Variants in CLMP observed in about 807,000 individuals in gnomAD.
The protein encoded by CLMP is CXADR like cell adhesion molecule.
In CLMP, 27 loss-of-function variants were observed where a neutral mutation model predicts 45.2. That is an observed-to-expected ratio of 0.60 (90% confidence interval 0.44 to 0.82). The LOEUF (loss-of-function observed/expected upper bound fraction) is 0.82. Among genes scored for constraint, CLMP ranks in the 40% least tolerant of loss-of-function variants. The probability of loss-of-function intolerance (pLI) is 0.00; values close to 1 mark genes in which losing one functional copy is unlikely to be tolerated. For synonymous variants in CLMP, 167 were observed against 171.4 expected (o/e 0.97, Z 0.20); for missense variants, 403 against 448.4 (o/e 0.90, Z 0.91).
intron 1 of CLMP, among the ~76,000 whole-genome samples, chr11:123,177,822 T>C (rs11219048): frequency 0.1 from 15,530 of 152,164 alleles, 2,419 homozygotes; most frequent in African/African-American, 0.34. Flanking sequence ...GTTAATTATA[T>C]CCCAAAAAAT....
At chr11:123,136,389 AC>A in intron 1 of CLMP, 1 of 513,506 alleles carries the variant, frequency 1.9e-6, no homozygotes, top group Admixed American at 2.5e-5. Context: ...TTGCCATGAT[AC>A]CGCCGGTGGC....
chr11:123,123,259 CTTT>C (rs11458946), intron 1 of CLMP, among the ~76,000 whole-genome samples: 2 of 117,694 alleles, frequency 1.7e-5, no homozygotes, highest in South Asian at 2.8e-4. Flanking sequence ...TCTTTCTTTC[CTTT>C]TTTTTTTTTT....
chr11:123,182,969 A>G (rs748122932), intron 1 of CLMP, among the ~76,000 whole-genome samples: 2 of 152,248 alleles, frequency 1.3e-5, no homozygotes, highest in African/African-American at 4.8e-5. Context: ...TAGCAAAGCC[A>G]TAACATATAA....
chr11:123,136,311 A>G, intron 1 of CLMP: 1 of 631,382 alleles, frequency 1.6e-6, no homozygotes, highest in Non-Finnish European at 3.1e-6. Context: ...CTTCGCGCAT[A>G]CTCAGTTAAA....
At chr11:123,111,939 A>G (rs1267774160) in intron 1 of CLMP, among the ~76,000 whole-genome samples, 6 of 152,272 alleles carry the variant, frequency 3.9e-5, no homozygotes, top group Admixed American at 3.9e-4. Flanking sequence ...TTTTTTAGAG[A>G]CGGTATTTCA....
chr11:123,084,487 C>T (rs1278005975), intron 3 of CLMP, 25 bp downstream of exon 3: 1 of 1,581,754 alleles, frequency 6.3e-7, no homozygotes, highest in Admixed American at 1.7e-5. Context: ...AAGCTGTAGA[C>T]ATTCACTTTG....
Position 123,103,704 on chromosome 11 carries a change from C to A in CLMP, c.29-5752G>T, listed in dbSNP as rs565242561. On this transcript the variant is annotated intron_variant, in intron 1 of 6. Transcript: ENST00000448775. ...CTTCTCCTTCTGTCCCTTTTTTTTT[C>A]TTTCTTTCTTTCTTTTTTTTTACAT... Among the ~76,000 whole-genome samples, 1,313 of 149,224 alleles carry A rather than the reference C, an allele frequency of 8.8e-3. 16 individuals are homozygous for A. The highest frequency in any genetic ancestry group is 0.013 in the Non-Finnish European group (867 of 67,108).
chr11:123,102,886 G>C (rs371938296), intron 1 of CLMP, among the ~76,000 whole-genome samples: 2 of 151,982 alleles, frequency 1.3e-5, no homozygotes, highest in East Asian at 3.9e-4. Flanking sequence ...GTGGCTTCCA[G>C]GATGTCTGGT....
Position 123,084,493 on chromosome 11 carries a change from CT to C in CLMP, c.388+18del. On this transcript the variant is annotated intron_variant, in intron 3 of 6. Transcript: ENST00000448775. ...CTTAGAAATAAGCTGTAGACATTCA[CT>C]TTGGCATCCTATCTTACCTAAGACT... 1.2e-6 allele frequency: 2 copies of C among 1,603,432 alleles called. No individual in the cohort carries two copies.
At chr11:123,144,742 A>G (rs1861214199) in intron 1 of CLMP, among the ~76,000 whole-genome samples, 1 of 152,220 alleles carries the variant, frequency 6.6e-6, no homozygotes, top group Non-Finnish European at 1.5e-5. Context: ...AAAAGAAGTC[A>G]TATAAAGCAG....
chr11:123,136,134 C>T, intron 1 of CLMP: 8 of 624,800 alleles, frequency 1.3e-5, no homozygotes, highest in South Asian at 8.2e-5. Flanking sequence ...AATCTGACGG[C>T]AAGAAAGTCA....
chr11:123,168,419 C>T (rs1861588409), intron 1 of CLMP, among the ~76,000 whole-genome samples: 1 of 152,088 alleles, frequency 6.6e-6, no homozygotes, highest in Non-Finnish European at 1.5e-5. Flanking sequence ...CTCTGAAAGC[C>T]CTCTCTTCCT....
rs73017819 is a variant in CLMP at position 123,134,899 on chromosome 11, A to G, written c.29-36947T>C. On this transcript the variant is annotated intron_variant, in intron 1 of 6. Transcript: ENST00000448775. ...TTTGGCTTCATGGATACCAGCTGTCATAAATCCAAGAGCAGCAATAAACAA... is the reference window on the plus strand; with the variant it reads ...TTTGGCTTCATGGATACCAGCTGTCGTAAATCCAAGAGCAGCAATAAACAA... Among the ~76,000 whole-genome samples the G allele has an allele frequency of 4.3e-3, 648 of 152,296 alleles. 6 individuals carry two copies. The highest frequency in any genetic ancestry group is 0.014 in the Middle Eastern group (4 of 294).
At chr11:123,106,145 A>T (rs200922713) in intron 1 of CLMP, among the ~76,000 whole-genome samples, 14,587 of 146,156 alleles carry the variant, frequency 0.1, 792 homozygotes, top group East Asian at 0.17. Context: ...ATTTTATTCT[A>T]TTTTTTTTTT....
intron 1 of CLMP, among the ~76,000 whole-genome samples, chr11:123,168,891 T>G (rs778656419): frequency 2.6e-5 from 4 of 152,164 alleles, no homozygotes; most frequent in Non-Finnish European, 5.9e-5. Flanking sequence ...TTATGCAGCA[T>G]CTACTCCCGG....
At position 123,112,930 on chromosome 11, in the gene CLMP, C is replaced by T. The variant is rs544367707; in HGVS notation, c.29-14978G>A. ...CTGGGACTACAGGTGCCCGCCACCA[C>T]GCCCTGCTAATTTTTTGTATTTTTA... On this transcript the variant is annotated intron_variant, in intron 1 of 6. Coordinates refer to ENST00000448775, the MANE Select transcript of CLMP (RefSeq NM_024769.5). Among the ~76,000 whole-genome samples, 20 of 151,968 alleles carry T rather than the reference C, an allele frequency of 1.3e-4. No individual in the cohort carries two copies. The South Asian group carries it at 3.8e-3, about 29-fold the overall frequency.
chr11:123,092,027 A>G (rs1189557902), intron 2 of CLMP, among the ~76,000 whole-genome samples: 1 of 151,948 alleles, frequency 6.6e-6, no homozygotes, highest in Non-Finnish European at 1.5e-5. Flanking sequence ...TTGATTACAC[A>G]GTTTTTTCTT....
At chr11:123,113,794 T>G (rs565077391) in intron 1 of CLMP, among the ~76,000 whole-genome samples, 47 of 152,334 alleles carry the variant, frequency 3.1e-4, no homozygotes, top group African/African-American at 1.1e-3. Flanking sequence ...GATAACAATC[T>G]GGTCCACAAA....
chr11:123,120,853 G>A (rs992978597), intron 1 of CLMP, among the ~76,000 whole-genome samples: 9 of 151,924 alleles, frequency 5.9e-5, no homozygotes, highest in Non-Finnish European at 1.3e-4. Flanking sequence ...GGGGCCGGGC[G>A]CGGTGGCTCA....
Sources: allele counts gnomAD v4.1 joint callset (sites outside exome capture counted in the v4.1 genomes callset), GRCh38; gene constraint gnomAD v4.1.1; transcripts MANE v1.5; gene names NCBI Gene and HGNC (gene_info 2026-07-23, HGNC 2026-07-21).